The following BLTP2 variants were observed in gnomAD, a reference collection of about 807,000 sequenced individuals.
BLTP2 encodes U937-associated antigen.
the BLTP2 span, chr17:28,635,369 G>A: frequency 3.1e-6 from 5 of 1,614,244 alleles, no homozygotes; most frequent in Admixed American, 1.7e-5. Context: ...AAAGCTGTGA[G>A]CTTGGCTGTG....
the BLTP2 span, chr17:28,638,640 G>C: frequency 1.3e-6 from 2 of 1,570,946 alleles, no homozygotes; most frequent in Non-Finnish European, 1.8e-6. Context: ...TTGGGGGAAG[G>C]TTCTGCATAG....
chr17:28,631,923 G>A, the BLTP2 span: 5 of 1,613,966 alleles, frequency 3.1e-6, no homozygotes, highest in Non-Finnish European at 4.2e-6. Context: ...AATGTACCTG[G>A]CAACAAGAGA....
At chr17:28,642,922 T>G in the BLTP2 span, 1 of 1,611,742 alleles carries the variant, frequency 6.2e-7, no homozygotes, top group Admixed American at 1.7e-5. Flanking sequence ...GAATATGCCA[T>G]AAGGACTCAG....
At chr17:28,616,134 T>C in the BLTP2 span, 3 of 1,614,090 alleles carry the variant, frequency 1.9e-6, no homozygotes, top group East Asian at 2.2e-5. The surrounding 1 kb of genome is among the most constrained non-coding windows in gnomAD (Gnocchi z 4.8). Flanking sequence ...GGAATCTTTA[T>C]GTAGATGAAG....
chr17:28,639,597 T>C, the BLTP2 span: 7 of 1,613,750 alleles, frequency 4.3e-6, no homozygotes, highest in Admixed American at 5.0e-5. Flanking sequence ...CTTGAGGGAG[T>C]TGAGGCAGAC....
the BLTP2 span, chr17:28,641,780 G>A: frequency 1.0e-6 from 1 of 980,608 alleles, no homozygotes; most frequent in Non-Finnish European, 1.5e-6. Flanking sequence ...CAAAGTCCAT[G>A]GTGACTAGTG....
the BLTP2 span, chr17:28,635,713 C>A: frequency 8.2e-7 from 1 of 1,217,352 alleles, no homozygotes; most frequent in Non-Finnish European, 1.1e-6. Context: ...ACCATCTCCA[C>A]CCAGAAGTTG....
chr17:28,644,950 G>C, the BLTP2 span: 2 of 1,054,228 alleles, frequency 1.9e-6, no homozygotes, highest in South Asian at 3.6e-5. Flanking sequence ...CCTCCCTCCC[G>C]CCGCCGCCGC....
the BLTP2 span, among the ~76,000 whole-genome samples, chr17:28,630,706 A>C: frequency 6.7e-6 from 1 of 149,758 alleles, no homozygotes; most frequent in Non-Finnish European, 1.5e-5. Flanking sequence ...CTAGTCTTGA[A>C]CTCCTGACTT....
chr17:28,643,623 T>TA, the BLTP2 span: 3 of 1,614,028 alleles, frequency 1.9e-6, no homozygotes, highest in Non-Finnish European at 2.5e-6. Flanking sequence ...AGATCATGGC[T>TA]AAGGAGTTTG....
the BLTP2 span, chr17:28,638,111 C>T: frequency 7.6e-5 from 122 of 1,612,038 alleles, no homozygotes; most frequent in Admixed American, 1.1e-3. Flanking sequence ...AAGAAGCAGA[C>T]GGATCCCATT....
At chr17:28,618,633 AT>A in the BLTP2 span, 11 of 577,996 alleles carry the variant, frequency 1.9e-5, no homozygotes, top group African/African-American at 3.7e-5. Flanking sequence ...AGCTCTGCTC[AT>A]TAATATGATT....
chr17:28,626,882 T>C, the BLTP2 span, among the ~76,000 whole-genome samples: 4 of 152,202 alleles, frequency 2.6e-5, no homozygotes, highest in South Asian at 6.2e-4. Flanking sequence ...AGCAAATTAA[T>C]TGAACCCAAG....
chr17:28,634,317 T>A, the BLTP2 span, among the ~76,000 whole-genome samples: 1 of 152,224 alleles, frequency 6.6e-6, no homozygotes, highest in East Asian at 1.9e-4. Context: ...ATGACTGTGT[T>A]AGCTTTCCCT....
the BLTP2 span, chr17:28,639,489 T>C: frequency 6.2e-7 from 1 of 1,613,428 alleles, no homozygotes; most frequent in Admixed American, 1.7e-5. Context: ...AACTGTGGGT[T>C]TGGGTTTTAT....
chr17:28,641,658 G>GA, the BLTP2 span, among the ~76,000 whole-genome samples: 119 of 138,342 alleles, frequency 8.6e-4, 1 homozygote, highest in Middle Eastern at 3.5e-3. Flanking sequence ...AAAAAAAAAG[G>GA]AAAAAAAAAA....
chr17:28,639,060 G>A, the BLTP2 span: 14 of 516,698 alleles, frequency 2.7e-5, no homozygotes, highest in African/African-American at 2.7e-4. Context: ...TATCATTTAA[G>A]TTCAGTTCAA....
chr17:28,643,504 C>T, the BLTP2 span: 1 of 1,383,632 alleles, frequency 7.2e-7, no homozygotes, highest in Non-Finnish European at 1.0e-6. Context: ...CAGCAACAAC[C>T]TCCCTTCCTC....
At chr17:28,615,598 G>A in the BLTP2 span, 1 of 1,565,632 alleles carries the variant, frequency 6.4e-7, no homozygotes, top group African/African-American at 1.4e-5. Flanking sequence ...AAAATGAAAG[G>A]CTCCTGAAAA....
Sources: allele counts gnomAD v4.1 joint callset (sites outside exome capture counted in the v4.1 genomes callset), GRCh38; gene constraint gnomAD v4.1.1; non-coding constraint Gnocchi (gnomAD v3.1); transcripts MANE v1.5; gene names NCBI Gene and HGNC (gene_info 2026-07-23, HGNC 2026-07-21).